Variants in IST1 observed in about 807,000 individuals in gnomAD.
IST1 encodes the protein IST1 homolog.
In IST1, 23 loss-of-function variants were observed where a neutral mutation model predicts 37.0. The ratio of observed to expected loss-of-function variants is 0.62; its 90% CI spans 0.45 to 0.88. The LOEUF is 0.88. Among genes scored for constraint, IST1 ranks in the 40% least tolerant of loss-of-function variants. The pLI is 0.00. For synonymous variants in IST1, 180 were observed against 161.7 expected, an observed-to-expected ratio of 1.11 and a Z score of -0.86; for missense variants, 488 against 445.4, an observed-to-expected ratio of 1.10 and a Z score of -0.86.
intron 1 of IST1, among the ~76,000 whole-genome samples, chr16:71,899,857 A>G (rs1406814933): frequency 5.3e-5 from 8 of 152,156 alleles, no homozygotes; most frequent in Non-Finnish European, 1.0e-4. Context: ...CCCTGTCTCT[A>G]CTAAAAATAT....
chr16:71,907,889 C>T (rs2037261435), intron 1 of IST1, among the ~76,000 whole-genome samples: 1 of 152,224 alleles, frequency 6.6e-6, no homozygotes. Context: ...TCAAGCAGTC[C>T]TCCTGCCTCA....
chr16:71,917,078 T>A lies in IST1; in HGVS notation c.301T>A (p.Ser101Thr). The change falls in exon 4 of 10, where the codon TCT (serine) becomes ACT (threonine). Residue 101 changes from serine to threonine, a missense_variant. Physicochemically the swap from Ser to Thr is moderately conservative, Grantham distance 58. Around this residue, in one of 2 missense-constraint regions of IST1, gnomAD observed 455 missense variants for 386.2 expected, o/e 1.18. Coordinates refer to ENST00000378799, the MANE Select transcript of IST1 (RefSeq NM_001270975.2). ...AGATTCTGGTCTGGCTGAATCTGTG[T>A]CTACATTGATCTGGGCTGCTCCTCG... ...ELDSGLAESV[S>T]TLIWAAPRLQ... is the part of the protein sequence containing the mutation. 6.2e-7 allele frequency: 1 copy of A among 1,612,122 alleles called. No individual in the cohort carries two copies. The highest frequency in any genetic ancestry group is 8.5e-7 in the Non-Finnish European group (1 of 1,179,030).
At chr16:71,902,015 A>G (rs1332560948) in intron 1 of IST1, among the ~76,000 whole-genome samples, 1 of 152,258 alleles carries the variant, frequency 6.6e-6, no homozygotes, top group Non-Finnish European at 1.5e-5. Flanking sequence ...TAATCTTTAG[A>G]TGAAGAGCTA....
At position 71,927,832 on chromosome 16, in the gene IST1, C is replaced by CT. The variant is rs752803261; in HGVS notation, c.*22dup. 1.1e-5 allele frequency: 18 copies of CT among 1,594,386 alleles called. No individual in the cohort carries two copies. The African/African-American group carries it at 2.4e-4, about 21-fold the overall frequency. On this transcript the variant is annotated 3_prime_UTR_variant, in exon 10 of 10. Transcript: ENST00000378799. ...AACATAGGTCTCTTAAACCAGGCAA[C>CT]TTTCACGTTTTGGGAGTTGAGACTG...
At chr16:71,924,333 G>A in intron 8 of IST1, 1 of 384,738 alleles carries the variant, frequency 2.6e-6, no homozygotes, top group Non-Finnish European at 5.1e-6. Context: ...CATGGGGCTG[G>A]GCGGGGTGGT....
chr16:71,924,932 C>T (rs1244307649), intron 9 of IST1, 115 bp downstream of exon 9: 25 of 712,364 alleles, frequency 3.5e-5, no homozygotes, highest in East Asian at 5.2e-5. Context: ...TATCTGCATG[C>T]CCTGTTCTCT....
rs2037651316 is a variant in IST1, at chr16:71,923,219, C to A, written c.760-69C>A. 3.2e-5 allele frequency: 26 copies of A among 808,988 alleles called. No individual in the cohort carries two copies. The South Asian group carries it at 3.8e-4, about 12-fold the overall frequency. 50.1% of individuals were successfully genotyped at this position (808,988 alleles called of 1,614,324 possible). A position where few individuals can be genotyped will look rare whatever the true frequency, so the allele number is the denominator to read the frequency against. Reference sequence around the variant, plus strand: ...ATATAAATGTATTTCTTTCTCCCTTCCCATACCCAAACCTTCGAGATTGCA... The same window carrying A: ...ATATAAATGTATTTCTTTCTCCCTTACCATACCCAAACCTTCGAGATTGCA... On this transcript the variant is annotated intron_variant, in intron 7 of 9. Coordinates refer to ENST00000378799, the MANE Select transcript of IST1 (RefSeq NM_001270975.2).
chr16:71,915,437 A>G (rs1204424369), intron 1 of IST1, among the ~76,000 whole-genome samples, 189 bp from the exon 2 acceptor site: 2 of 152,134 alleles, frequency 1.3e-5, no homozygotes, highest in Admixed American at 1.3e-4. Context: ...TGCTTCCAGT[A>G]TTATCCTTCC....
intron 7 of IST1, 113 bp from the exon 8 acceptor site, chr16:71,923,175 A>G (rs2037650201): frequency 5.5e-6 from 3 of 543,980 alleles, no homozygotes; most frequent in Middle Eastern, 5.1e-4. Context: ...TTGAATATTT[A>G]TATATATTTA....
intron 1 of IST1, among the ~76,000 whole-genome samples, chr16:71,912,413 A>G (rs1052406377): frequency 6.6e-6 from 1 of 151,992 alleles, no homozygotes; most frequent in Non-Finnish European, 1.5e-5. Context: ...AATTTTTTGT[A>G]TTTTTAGTGG....
intron 1 of IST1, among the ~76,000 whole-genome samples, chr16:71,898,112 C>T (rs1205395230): frequency 2.0e-5 from 3 of 151,950 alleles, no homozygotes; most frequent in African/African-American, 4.8e-5. Context: ...CCGTGGCTCA[C>T]GCCTGTAATC....
At position 71,930,942 on chromosome 16, in the gene IST1, A is replaced by G. The variant is rs1372612933; in HGVS notation, c.*3129A>G. ...TCTATATGGCAAAATATTTTCAAGC[A>G]CCAAACTGTTTTACCTACTTAAAAA... On this transcript the variant is annotated 3_prime_UTR_variant, in exon 10 of 10. Coordinates refer to ENST00000378799, the MANE Select transcript of IST1 (RefSeq NM_001270975.2). 6 of 152,228 alleles carry G rather than the reference A, an allele frequency of 3.9e-5. No homozygotes were observed. The East Asian group carries it at 1.2e-3, about 29-fold the overall frequency. The allele number at this position is 152,228 out of a possible 1,614,324, so 9.4% of individuals were successfully genotyped here.
At chr16:71,906,587 A>G (rs1280309359) in intron 1 of IST1, among the ~76,000 whole-genome samples, 1 of 151,986 alleles carries the variant, frequency 6.6e-6, no homozygotes, top group East Asian at 1.9e-4. Context: ...AAGTGCTGAG[A>G]TTACCAGGTG....
intron 7 of IST1, chr16:71,922,895 A>C: frequency 1.7e-6 from 1 of 596,296 alleles, no homozygotes; most frequent in Non-Finnish European, 3.0e-6. Context: ...TGGTGCTAGA[A>C]AAACACTTTT....
In IST1 at chr16:71,929,598, A is replaced by AGAT. The variant is rs1301468858; in HGVS notation, c.*1788_*1790dup. On this transcript the variant is annotated 3_prime_UTR_variant, in exon 10 of 10. Transcript: ENST00000378799. Reference sequence around the variant, plus strand: ...CCACTGCTGTCGTGGCTGCTTGCTCAGATGAGGTTTTTTGGGGCCAACTGA... The same window carrying AGAT: ...CCACTGCTGTCGTGGCTGCTTGCTCAGATGATGAGGTTTTTTGGGGCCAACTGA... 1 of 1,551,848 alleles carries AGAT rather than the reference A, an allele frequency of 6.4e-7. No homozygotes were observed. Among genetic ancestry groups the AGAT allele is most frequent in the East Asian group, 2.4e-5 (1 of 40,928 alleles).
rs879871607 is a variant in IST1 at position 71,930,653 on chromosome 16, A to AT, written c.*2851dup. The AT allele has an allele frequency of 1.4e-3, 203 of 148,030 alleles. 1 individual carries two copies. Among genetic ancestry groups the AT allele is most frequent in the African/African-American group, 3.2e-3 (129 of 40,518 alleles). The allele number at this position is 148,030 out of a possible 1,614,324, so 9.2% of individuals were successfully genotyped here. On this transcript the variant is annotated 3_prime_UTR_variant, in exon 10 of 10. Coordinates refer to ENST00000378799, the MANE Select transcript of IST1 (RefSeq NM_001270975.2). ...GGCCACAGAAAACTGGCTTTTTAGT[A>AT]TTTTTTTTTTTCCATTGTCATTTTT...
intron 1 of IST1, among the ~76,000 whole-genome samples, chr16:71,913,685 A>C (rs1448757546): frequency 6.7e-6 from 1 of 150,218 alleles, no homozygotes; most frequent in Admixed American, 6.6e-5. Flanking sequence ...ATTTTTTGTA[A>C]AGATGGGGTT....
At chr16:71,898,806 G>A (rs535348124) in intron 1 of IST1, among the ~76,000 whole-genome samples, 44 of 151,398 alleles carry the variant, frequency 2.9e-4, no homozygotes, top group Admixed American at 6.6e-4. Context: ...GCGAAACCTC[G>A]TCGCTACTAA....
At chr16:71,904,735 A>G (rs903801519) in intron 1 of IST1, among the ~76,000 whole-genome samples, 1 of 152,110 alleles carries the variant, frequency 6.6e-6, no homozygotes, top group Non-Finnish European at 1.5e-5. Context: ...TAGTGTTTGC[A>G]TATATACCTT....
Sources: gnomAD v4.1 joint callset for allele counts (sites outside exome capture counted in the v4.1 genomes callset) on GRCh38, gnomAD v4.1.1 for gene constraint, gnomAD v4.1.1 regional missense constraint, MANE v1.5 for transcripts, NCBI Gene and HGNC (gene_info 2026-07-23, HGNC 2026-07-21) for gene names.